The following LRP1B variants were observed in gnomAD, a reference collection of about 807,000 sequenced individuals.
The protein encoded by LRP1B is low-density lipoprotein receptor-related protein 1B.
LRP1B carries 217 observed loss-of-function variants against 556.6 expected under a neutral mutation model. That is an observed-to-expected ratio of 0.39 (90% CI 0.35 to 0.44). The LOEUF (loss-of-function observed/expected upper bound fraction) is 0.44. LRP1B is among the 20% of genes least tolerant of loss of function. The pLI, the probability that LRP1B is intolerant of heterozygous loss-of-function variation, is 1.00. For missense variants in LRP1B, 5,053 were observed against 5,620.8 expected (o/e 0.90, Z 3.23); for synonymous variants, 2,047 against 1,865.8 (o/e 1.10, Z -2.50).
rs921618539 is a variant in LRP1B, at chr2:141,284,589, T to G, written c.344-29948A>C. On this transcript the variant is annotated intron_variant, in intron 3 of 90. Transcript: ENST00000389484. Reference sequence around the variant, plus strand: ...AGTTAAAAGATTTCCTCTAAAAGCTTTACGATTTTAGCTTTTATGATTAGA... The same window carrying G: ...AGTTAAAAGATTTCCTCTAAAAGCTGTACGATTTTAGCTTTTATGATTAGA... 7.9e-5 allele frequency among the ~76,000 whole-genome samples: 12 copies of G among 152,312 alleles called. No homozygotes were observed. In the East Asian group the frequency reaches 2.3e-3, roughly 29 times the overall value.
intron 86 of LRP1B, among the ~76,000 whole-genome samples, chr2:140,251,410 T>C (rs983937458): frequency 2.6e-5 from 4 of 151,890 alleles, no homozygotes; most frequent in Non-Finnish European, 5.9e-5. Flanking sequence ...GATCAATGTA[T>C]ATGAACTGCT....
intron 2 of LRP1B, among the ~76,000 whole-genome samples, chr2:141,500,484 G>A (rs1559107300): frequency 6.6e-6 from 1 of 152,072 alleles, no homozygotes; most frequent in East Asian, 1.9e-4. Flanking sequence ...CATAGTACTA[G>A]GTACCATATG....
chr2:141,037,151 CTG>C (rs930574682), intron 11 of LRP1B, among the ~76,000 whole-genome samples: 2 of 151,924 alleles, frequency 1.3e-5, no homozygotes, highest in Non-Finnish European at 2.9e-5. Context: ...ATATTGAAAA[CTG>C]AGGGATGAAA....
intron 86 of LRP1B, among the ~76,000 whole-genome samples, chr2:140,260,920 A>T (rs905647722): frequency 6.6e-6 from 1 of 150,704 alleles, no homozygotes; most frequent in Admixed American, 6.6e-5. Flanking sequence ...CACAAAGCCA[A>T]TTTTTTTTTG....
intron 11 of LRP1B, among the ~76,000 whole-genome samples, chr2:141,020,677 CTCTT>C (rs1390023485): frequency 1.3e-5 from 2 of 152,032 alleles, no homozygotes; most frequent in African/African-American, 4.8e-5. Context: ...CAAAATACTT[CTCTT>C]TGTTTTAGAC....
intron 49 of LRP1B, among the ~76,000 whole-genome samples, chr2:140,522,228 A>C (rs2104956264): frequency 6.6e-6 from 1 of 152,130 alleles, no homozygotes; most frequent in Non-Finnish European, 1.5e-5. Flanking sequence ...CCAAATTCTC[A>C]GGCCTCAGTG....
rs1469227775 is a variant in LRP1B at position 140,970,712 on chromosome 2, ACCTTTTTTTTTTTTTTTTTTTT to A, written c.2887+11426_2887+11447del. Among the ~76,000 whole-genome samples, 452 of 126,404 alleles carry A rather than the reference ACCTTTTTTTTTTTTTTTTTTTT, an allele frequency of 3.6e-3. 40 individuals carry two copies. The highest frequency in any genetic ancestry group is 0.013 in the African/African-American group (378 of 29,926). The allele number at this position is 126,404 out of a possible 152,430, so 82.9% of individuals were successfully genotyped here. A position where few individuals can be genotyped will look rare whatever the true frequency, so the allele number is the denominator to read the frequency against. On this transcript the variant is annotated intron_variant, in intron 18 of 90. Coordinates refer to ENST00000389484, the MANE Select transcript of LRP1B (RefSeq NM_018557.3). The stretch of plus-strand genomic sequence containing the variant: ...TTTCTGATTTTCTTTTAATTTTTTA[ACCTTTTTTTTTTTTTTTTTTTT>A]TTTTTTTTTTTTTTTTTTTTTTTTG...
chr2:141,206,258 CTCA>C (rs1213285138), intron 6 of LRP1B, among the ~76,000 whole-genome samples: 1 of 152,012 alleles, frequency 6.6e-6, no homozygotes, highest in Non-Finnish European at 1.5e-5. Flanking sequence ...TTTTACTGTC[CTCA>C]TAAGTACCTA....
In LRP1B at chr2:140,892,230, C is replaced by G. The variant is rs78348087; in HGVS notation, c.3767-5895G>C. Among the ~76,000 whole-genome samples the G allele has an allele frequency of 1.6e-3, 242 of 152,028 alleles. 1 individual carries two copies. In the East Asian group the frequency reaches 0.02, roughly 12 times the overall value. On this transcript the variant is annotated intron_variant, in intron 23 of 90. Coordinates refer to ENST00000389484, the MANE Select transcript of LRP1B (RefSeq NM_018557.3). ...GAAATATGCAAAGAAATGAATCAAA[C>G]AAAGGAGTAAGTGACAGAAGCAGAC...
chr2:141,144,534 T>C (rs2105065213), intron 7 of LRP1B, among the ~76,000 whole-genome samples: 1 of 152,292 alleles, frequency 6.6e-6, no homozygotes, highest in Non-Finnish European at 1.5e-5. Context: ...CTAAGTTAAA[T>C]CTCTCTAGTT....
At chr2:142,087,275 T>A (rs1240998434) in intron 1 of LRP1B, among the ~76,000 whole-genome samples, 1 of 32,106 alleles carries the variant, frequency 3.1e-5, no homozygotes, top group Middle Eastern at 0.016. Flanking sequence ...AGAAGAGTAT[T>A]CAAATAATCT....
At chr2:141,192,392 G>T (rs936494345) in intron 6 of LRP1B, among the ~76,000 whole-genome samples, 1 of 151,838 alleles carries the variant, frequency 6.6e-6, no homozygotes, top group South Asian at 2.1e-4. Flanking sequence ...TTTTAGGAGC[G>T]AAGTGAATTT....
At chr2:141,055,077 G>T (rs1699139805) in intron 10 of LRP1B, 39 bp downstream of exon 10, 1 of 1,606,696 alleles carries the variant, frequency 6.2e-7, no homozygotes, top group African/African-American at 1.3e-5. Context: ...CTATTCTAAA[G>T]GGGTAGCTGC....
intron 32 of LRP1B, among the ~76,000 whole-genome samples, chr2:140,789,190 G>A (rs1690019177): frequency 6.6e-6 from 1 of 152,172 alleles, no homozygotes; most frequent in Non-Finnish European, 1.5e-5. Context: ...TTGAGGTCCA[G>A]TCTGAGAAGC....
intron 3 of LRP1B, among the ~76,000 whole-genome samples, chr2:141,457,422 CTG>C (rs1486909806): frequency 6.6e-6 from 1 of 152,038 alleles, no homozygotes; most frequent in African/African-American, 2.4e-5. Flanking sequence ...ACAACACACA[CTG>C]GGGCGTGCCA....
intron 1 of LRP1B, among the ~76,000 whole-genome samples, chr2:141,840,170 T>C (rs1057130237): frequency 2.0e-5 from 3 of 151,218 alleles, no homozygotes; most frequent in Non-Finnish European, 4.4e-5. Context: ...AACAACTATA[T>C]ACCAATTTGT....
intron 2 of LRP1B, among the ~76,000 whole-genome samples, chr2:141,722,094 G>A (rs1466714878): frequency 6.6e-6 from 1 of 152,136 alleles, no homozygotes; most frequent in Non-Finnish European, 1.5e-5. Context: ...AAAATGGTCT[G>A]AGGGCGGGCA....
At chr2:141,131,365 A>G (rs1701347471) in intron 7 of LRP1B, among the ~76,000 whole-genome samples, 1 of 145,970 alleles carries the variant, frequency 6.9e-6, no homozygotes, top group Non-Finnish European at 1.5e-5. Flanking sequence ...GAATACAAAT[A>G]CTATGCTATT....
At chr2:141,750,519 C>T (rs534427895) in intron 2 of LRP1B, among the ~76,000 whole-genome samples, 2 of 152,156 alleles carry the variant, frequency 1.3e-5, no homozygotes, top group Non-Finnish European at 2.9e-5. Context: ...GTCCTTTCTT[C>T]AAGCCTTTCA....
Sources: gnomAD v4.1 joint callset for allele counts (sites outside exome capture counted in the v4.1 genomes callset) on GRCh38, gnomAD v4.1.1 for gene constraint, MANE v1.5 for transcripts, NCBI Gene and HGNC (gene_info 2026-07-23, HGNC 2026-07-21) for gene names.